Variants in MYH9 observed in about 807,000 individuals in gnomAD.
The protein encoded by MYH9 is myosin heavy chain 9, also known as myosin-9.
A neutral mutation model predicts 241.9 loss-of-function variants in MYH9; 29 were observed. The observed-to-expected ratio is 0.12, with a 90% CI of 0.09 to 0.16. The LOEUF is 0.16. Ranked by LOEUF, MYH9 falls within the 10% of genes least tolerant of loss-of-function variation. MYH9 has a pLI of 1.00. For synonymous variants in MYH9, 1,047 were observed against 1,062.6 expected (o/e 0.99, Z 0.29); for missense variants, 1,803 against 2,595.5 (o/e 0.69, Z 6.63).
rs1330788488 is a variant in MYH9 at position 36,285,658 on chromosome 22, C to CTGCAGGT, written c.5267_5273dup (p.Ile1759ProfsTer35). 6.2e-7 allele frequency: 1 copy of CTGCAGGT among 1,612,306 alleles called. No homozygotes were observed. Among genetic ancestry groups the CTGCAGGT allele is most frequent in the Non-Finnish European group, 8.5e-7 (1 of 1,180,010 alleles). ...GAGTGGGAGAAGTCCTGGCACCCAC[C>CTGCAGGT]TGCAGGTTGGCCTTCTTCAGCCGGT... On this transcript the variant is annotated frameshift_variant and splice_region_variant, in exon 37 of 41. Transcript: ENST00000216181. LOFTEE classifies it high-confidence loss of function. This position sits in a 1 kb window ranked among gnomAD's most constrained non-coding sequence, Gnocchi z 7.0.
At chr22:36,291,682 T>TAAAAAAAAAAA (rs2016705926) in intron 31 of MYH9, among the ~76,000 whole-genome samples, 2 of 42,358 alleles carry the variant, frequency 4.7e-5, no homozygotes, top group Non-Finnish European at 9.4e-5. Flanking sequence ...AATAAAAAAA[T>TAAAAAAAAAAA]TAAAAAAAAA....
Position 36,341,358 on chromosome 22 carries a change from T to C in MYH9, c.490+12A>G. 1 of 1,613,272 alleles carries C rather than the reference T, an allele frequency of 6.2e-7. No homozygotes were observed. The highest frequency in any genetic ancestry group is 8.5e-7 in the Non-Finnish European group (1 of 1,179,692). On this transcript the variant is annotated intron_variant, in intron 3 of 40. Coordinates refer to ENST00000216181, the MANE Select transcript of MYH9 (RefSeq NM_002473.6). Reference sequence around the variant, plus strand: ...GATTCAGCCCCAGGTGGGCACACACTACGTCACCCACCTTGCATCATACTC... The same window carrying C: ...GATTCAGCCCCAGGTGGGCACACACCACGTCACCCACCTTGCATCATACTC...
chr22:36,362,445 C>T (rs1269677694), intron 1 of MYH9, among the ~76,000 whole-genome samples: 1 of 152,140 alleles, frequency 6.6e-6, no homozygotes, highest in African/African-American at 2.4e-5. Flanking sequence ...AATGGGGTGT[C>T]CTCCACTAAG....
intron 1 of MYH9, among the ~76,000 whole-genome samples, chr22:36,373,316 C>T (rs2018116876): frequency 6.6e-6 from 1 of 152,138 alleles, no homozygotes; most frequent in African/African-American, 2.4e-5. Context: ...GGGCCGGGGG[C>T]TATTTCCCAA....
intron 1 of MYH9, among the ~76,000 whole-genome samples, chr22:36,349,870 A>G (rs1478602422): frequency 6.6e-6 from 1 of 152,254 alleles, no homozygotes; most frequent in Non-Finnish European, 1.5e-5. Flanking sequence ...ATACAAAGGT[A>G]GCAAAGTAGC....
chr22:36,303,613 G>A (rs563506825), intron 19 of MYH9, among the ~76,000 whole-genome samples: 28 of 151,710 alleles, frequency 1.8e-4, no homozygotes, highest in Admixed American at 1.6e-3. Context: ...ACGAAACCCC[G>A]TCTCTACTAA....
At position 36,293,404 on chromosome 22, in the gene MYH9, G is replaced by T. The variant is rs746636384; in HGVS notation, c.4020C>A (p.Ser1340=). 2.5e-6 allele frequency: 4 copies of T among 1,613,932 alleles called. No homozygotes were observed. Among genetic ancestry groups the T allele is most frequent in the Non-Finnish European group, 3.4e-6 (4 of 1,180,048 alleles). The change falls in exon 30 of 41, where the codon TCC becomes TCA. Residue 1340 remains serine, a synonymous_variant. Transcript: ENST00000216181. The surrounding 1 kb of genome is among the most constrained non-coding windows in gnomAD (Gnocchi z 5.1). ...KLKQVEDEKN[S]FREQLEEEEE... ...CCTCCTCCTCCAGCTGCTCCCGGAA[G>T]GAATTCTTCTCGTCCTCCACCTGCT...
At chr22:36,284,320 CCAGT>C in intron 39 of MYH9, 55 bp from the exon 40 acceptor site, 1 of 1,603,688 alleles carries the variant, frequency 6.2e-7, no homozygotes, top group East Asian at 2.2e-5. Flanking sequence ...GGGCGTGCAG[CCAGT>C]CAGCCCCACT....
chr22:36,294,602 T>C (rs1410494206), intron 27 of MYH9, among the ~76,000 whole-genome samples: 1 of 152,252 alleles, frequency 6.6e-6, no homozygotes, highest in African/African-American at 2.4e-5. Flanking sequence ...GGCATTGGTG[T>C]TGCAGATGTT....
chr22:36,386,827 G>A (rs117036484), intron 1 of MYH9, among the ~76,000 whole-genome samples: 4,388 of 152,392 alleles, frequency 0.029, 77 homozygotes, highest in Middle Eastern at 0.075. Flanking sequence ...CGTGGCCCCA[G>A]AACAGGATGG....
chr22:36,374,779 C>T (rs530386349), intron 1 of MYH9, among the ~76,000 whole-genome samples: 1 of 152,158 alleles, frequency 6.6e-6, no homozygotes, highest in African/African-American at 2.4e-5. Context: ...GAGGCTGGGT[C>T]GTGGCCTAAG....
chr22:36,367,965 GCA>G (rs937643794), intron 1 of MYH9, among the ~76,000 whole-genome samples: 3 of 152,108 alleles, frequency 2.0e-5, no homozygotes, highest in African/African-American at 7.2e-5. Flanking sequence ...GCAGAGACAT[GCA>G]CACAGAGACC....
intron 14 of MYH9, among the ~76,000 whole-genome samples, chr22:36,311,830 G>A (rs184223737): frequency 1.2e-4 from 19 of 152,254 alleles, no homozygotes; most frequent in African/African-American, 2.6e-4. Context: ...GTGGAGTGCC[G>A]CAGGCTTCTA....
intron 38 of MYH9, among the ~76,000 whole-genome samples, 190 bp from the exon 39 acceptor site, chr22:36,284,701 G>A (rs1369548565): frequency 6.6e-6 from 1 of 152,158 alleles, no homozygotes; most frequent in Non-Finnish European, 1.5e-5. Context: ...ATTTACAGAT[G>A]AGGAAATGGG....
At chr22:36,387,263 C>T (rs1407120731) in intron 1 of MYH9, among the ~76,000 whole-genome samples, 3 of 152,210 alleles carry the variant, frequency 2.0e-5, no homozygotes, top group Admixed American at 2.0e-4. Context: ...TGCAGCGGGA[C>T]GGTCCGACTC....
intron 1 of MYH9, among the ~76,000 whole-genome samples, chr22:36,375,380 G>A (rs577439588): frequency 6.6e-6 from 1 of 152,234 alleles, no homozygotes; most frequent in African/African-American, 2.4e-5. Flanking sequence ...GGGGTTAAAG[G>A]TGAAGTCAGT....
At chr22:36,309,517 T>C in intron 14 of MYH9, 121 bp from the exon 15 acceptor site, 1 of 731,784 alleles carries the variant, frequency 1.4e-6, no homozygotes, top group Non-Finnish European at 2.5e-6. Context: ...GACCCTTTGA[T>C]CCAGCATTTC....
intron 13 of MYH9, 82 bp from the exon 14 acceptor site, chr22:36,312,304 C>T: frequency 2.1e-6 from 3 of 1,429,602 alleles, no homozygotes; most frequent in Non-Finnish European, 2.9e-6. Flanking sequence ...GCCCGGACAT[C>T]AGAATCCCCT....
At chr22:36,380,192 A>T (rs2018234716) in intron 1 of MYH9, among the ~76,000 whole-genome samples, 1 of 152,186 alleles carries the variant, frequency 6.6e-6, no homozygotes, top group Non-Finnish European at 1.5e-5. Context: ...TCACTCAGGA[A>T]AGGAGTCAAT....
Sources: allele counts gnomAD v4.1 joint callset (sites outside exome capture counted in the v4.1 genomes callset), GRCh38; gene constraint gnomAD v4.1.1; non-coding constraint Gnocchi (gnomAD v3.1); transcripts MANE v1.5; gene names NCBI Gene and HGNC (gene_info 2026-07-23, HGNC 2026-07-21).